The following PRTG variants were observed in gnomAD, a reference collection of about 807,000 sequenced individuals.
PRTG encodes protogenin.
In PRTG, 67 loss-of-function variants were observed where a neutral mutation model predicts 122.5. The observed-to-expected ratio is 0.55, with a 90% confidence interval of 0.45 to 0.67. PRTG has a LOEUF of 0.67. PRTG is among the 30% of genes least tolerant of loss of function. The pLI, the probability that PRTG is intolerant of heterozygous loss-of-function variation, is 0.00. For missense variants in PRTG, 1,435 were observed against 1,415.4 expected, an observed-to-expected ratio of 1.01 and a Z score of -0.22; for synonymous variants, 554 against 501.1, an observed-to-expected ratio of 1.11 and a Z score of -1.41.
intron 2 of PRTG, among the ~76,000 whole-genome samples, chr15:55,697,904 T>C (rs1295817058): frequency 6.6e-6 from 1 of 152,230 alleles, no homozygotes; most frequent in Non-Finnish European, 1.5e-5. Context: ...TTTCCTGTAT[T>C]ATTAAAGCAC....
intron 2 of PRTG, among the ~76,000 whole-genome samples, chr15:55,699,113 A>G (rs551222971): frequency 3.8e-4 from 58 of 152,218 alleles, no homozygotes; most frequent in African/African-American, 1.3e-3. Context: ...GAGCTAATAG[A>G]TATTATTTCT....
intron 11 of PRTG, among the ~76,000 whole-genome samples, chr15:55,670,135 C>A (rs1244029488): frequency 6.6e-6 from 1 of 152,068 alleles, no homozygotes; most frequent in African/African-American, 2.4e-5. Context: ...TAAATACATA[C>A]ATGCGTGTGT....
intron 2 of PRTG, chr15:55,738,648 T>C (rs2414431): frequency 1.7e-6 from 1 of 600,218 alleles, no homozygotes; most frequent in Non-Finnish European, 2.9e-6. Flanking sequence ...GCACACTATC[T>C]TTAAAACAGT....
intron 11 of PRTG, among the ~76,000 whole-genome samples, chr15:55,656,900 T>G (rs2059383227): frequency 6.6e-6 from 1 of 152,222 alleles, no homozygotes; most frequent in African/African-American, 2.4e-5. Flanking sequence ...ATCACTTGTT[T>G]GACACTGAGG....
intron 11 of PRTG, chr15:55,655,948 T>C (rs965381234): frequency 1.3e-5 from 2 of 153,370 alleles, no homozygotes; most frequent in Non-Finnish European, 2.9e-5. Flanking sequence ...GACATTTTAA[T>C]GTATTTGCTT....
At chr15:55,728,874 A>G (rs1341494683) in intron 2 of PRTG, among the ~76,000 whole-genome samples, 4 of 152,206 alleles carry the variant, frequency 2.6e-5, no homozygotes, top group African/African-American at 9.7e-5. Context: ...AAGCTACTAG[A>G]GCTAATAAAT....
chr15:55,645,304 C>G (rs535588333), intron 11 of PRTG, among the ~76,000 whole-genome samples: 9 of 148,254 alleles, frequency 6.1e-5, no homozygotes, highest in African/African-American at 2.2e-4. Context: ...CATGGTGGCG[C>G]GTGCCTGTAG....
chr15:55,621,213 G>C (rs751189376), intron 18 of PRTG, among the ~76,000 whole-genome samples: 1 of 152,046 alleles, frequency 6.6e-6, no homozygotes. Flanking sequence ...TTAGCCAGGC[G>C]TGGTGGCAGG....
chr15:55,713,768 A>C (rs1282987511), intron 2 of PRTG, among the ~76,000 whole-genome samples: 1 of 151,666 alleles, frequency 6.6e-6, no homozygotes, highest in Non-Finnish European at 1.5e-5. Flanking sequence ...TTTTTCATTG[A>C]TTTGTATGAG....
intron 2 of PRTG, among the ~76,000 whole-genome samples, chr15:55,719,277 T>C (rs1363292421): frequency 6.6e-6 from 1 of 152,240 alleles, no homozygotes; most frequent in Non-Finnish European, 1.5e-5. Context: ...GCATATGGTA[T>C]ATCATGTCAA....
rs984333758 is a variant in PRTG at position 55,619,412 on chromosome 15, T to C, written c.*600A>G. 16 of 152,770 alleles carry C rather than the reference T, an allele frequency of 1.0e-4. No homozygotes were observed. Among genetic ancestry groups the C allele is most frequent in the Admixed American group, 7.2e-4 (11 of 15,284 alleles). 9.5% of individuals were successfully genotyped at this position (152,770 alleles called of 1,614,324 possible). A position where few individuals can be genotyped will look rare whatever the true frequency, so the allele number is the denominator to read the frequency against. ...GTCATAGTTTCTTTTTTTAAAAAAA[T>C]CAGAGCTTCAGATAAACATTCTTAC... On this transcript the variant is annotated 3_prime_UTR_variant, in exon 20 of 20. Coordinates refer to ENST00000389286, the MANE Select transcript of PRTG (RefSeq NM_173814.6).
At chr15:55,738,743 C>G in intron 2 of PRTG, 3 of 300,326 alleles carry the variant, frequency 1.0e-5, no homozygotes, top group East Asian at 5.1e-5. Flanking sequence ...GGCATGCAGG[C>G]AGGCAGAGGG....
At chr15:55,695,151 G>C (rs1272136474) in intron 2 of PRTG, among the ~76,000 whole-genome samples, 2 of 151,964 alleles carry the variant, frequency 1.3e-5, no homozygotes, top group African/African-American at 4.8e-5. Context: ...AAAATGCCAA[G>C]ATGAAAATGT....
At chr15:55,733,451 G>A (rs1486890657) in intron 2 of PRTG, among the ~76,000 whole-genome samples, 1 of 150,990 alleles carries the variant, frequency 6.6e-6, no homozygotes, top group Non-Finnish European at 1.5e-5. Context: ...CGGAGGTTGT[G>A]GTGAACCAAG....
intron 2 of PRTG, among the ~76,000 whole-genome samples, chr15:55,686,468 G>A (rs372386291): frequency 6.6e-6 from 1 of 151,852 alleles, no homozygotes; most frequent in East Asian, 1.9e-4. Context: ...CTTCTTCCAC[G>A]ACCCCACAAT....
intron 2 of PRTG, among the ~76,000 whole-genome samples, chr15:55,702,029 A>C (rs1421108650): frequency 6.6e-6 from 1 of 152,202 alleles, no homozygotes; most frequent in African/African-American, 2.4e-5. Context: ...ACAACTCTAC[A>C]CATGTGTTAA....
At chr15:55,695,424 G>A (rs1044299857) in intron 2 of PRTG, among the ~76,000 whole-genome samples, 4 of 152,202 alleles carry the variant, frequency 2.6e-5, no homozygotes, top group African/African-American at 9.7e-5. Context: ...TAAAACTGCA[G>A]AGAAAATATT....
chr15:55,624,204 C>T lies in PRTG; in HGVS notation c.3093+138G>A, dbSNP rs184361395. On this transcript the variant is annotated intron_variant, in intron 18 of 19. Transcript: ENST00000389286. ...AAATATTTTATGTAAGGAATGATCT[C>T]GGTAAAATTTCAATATTTCATTAAT... is the stretch of plus-strand genomic sequence containing the variant. 5.3e-4 allele frequency: 365 copies of T among 684,574 alleles called. 1 individual carries two copies. Among genetic ancestry groups the T allele is most frequent in the South Asian group, 1.8e-3 (62 of 35,134 alleles). 42.4% of individuals were successfully genotyped at this position (684,574 alleles called of 1,614,324 possible).
chr15:55,715,180 A>G (rs755843720), intron 2 of PRTG, among the ~76,000 whole-genome samples: 3 of 152,208 alleles, frequency 2.0e-5, no homozygotes, highest in Non-Finnish European at 4.4e-5. Flanking sequence ...GAAACAAAAT[A>G]TTATCATCCA....
Sources: gnomAD v4.1 joint callset for allele counts (sites outside exome capture counted in the v4.1 genomes callset) on GRCh38, gnomAD v4.1.1 for gene constraint, MANE v1.5 for transcripts, NCBI Gene and HGNC (gene_info 2026-07-23, HGNC 2026-07-21) for gene names.